KCNH3: variants seen among roughly 807,000 people sequenced by gnomAD.
KCNH3 encodes potassium voltage-gated channel subfamily H member 3.
Under a neutral mutation model 95.6 loss-of-function variants are expected in KCNH3, and 36 were observed. That is an observed-to-expected ratio of 0.38 (90% CI 0.29 to 0.50). KCNH3 has a LOEUF of 0.50. KCNH3 is among the 20% of genes least tolerant of loss of function. KCNH3 has a pLI of 0.95. For synonymous variants in KCNH3, 620 were observed against 646.3 expected (o/e 0.96, Z 0.62); for missense variants, 1,030 against 1,484.1 (o/e 0.69, Z 5.03).
chr12:49,541,911 C>T, intron 3 of KCNH3, 147 bp downstream of exon 3: 1 of 760,586 alleles, frequency 1.3e-6, no homozygotes, highest in Non-Finnish European at 2.1e-6. Flanking sequence ...GTGCTGCTCT[C>T]ATCTCCACAT....
chr12:49,550,418 C>T, intron 10 of KCNH3, 89 bp downstream of exon 10: 1 of 1,465,962 alleles, frequency 6.8e-7, no homozygotes. Context: ...GGGACCTCCA[C>T]AAGGCCACTG....
chr12:49,546,482 G>T (rs1318131168), intron 7 of KCNH3, among the ~76,000 whole-genome samples: 2 of 152,140 alleles, frequency 1.3e-5, no homozygotes, highest in African/African-American at 2.4e-5. Context: ...TCAGTCTGGT[G>T]GGCAGCTCCT....
At chr12:49,545,932 T>C (rs1394729307) in intron 7 of KCNH3, among the ~76,000 whole-genome samples, 3 of 152,070 alleles carry the variant, frequency 2.0e-5, no homozygotes, top group Non-Finnish European at 4.4e-5. Flanking sequence ...CCTTGGTGCC[T>C]GCTATTCCCA....
In KCNH3 at chr12:49,556,304, C is replaced by T. The variant is rs540205301; in HGVS notation, c.2469-66C>T. 7.6e-5 allele frequency: 91 copies of T among 1,197,686 alleles called. 1 individual carries two copies. Among genetic ancestry groups the T allele is most frequent in the Admixed American group, 1.2e-4 (7 of 58,738 alleles). The allele number at this position is 1,197,686 out of a possible 1,614,324, so 74.2% of individuals were successfully genotyped here. ...TGTGTGTGTGGACGCTGGGGCATCC[C>T]GTCCCGTATGACCCCACAGTGGCTG... On this transcript the variant is annotated intron_variant, in intron 12 of 14. Transcript: ENST00000257981.
rs182151452 is a variant in KCNH3, at chr12:49,542,675, A to G, written c.446-31A>G. ...AGCTAGGGTGTGTGGGCACACACCC[A>G]TCATCTTCATGGGCCCCTCTTCTTT... On this transcript the variant is annotated intron_variant, in intron 3 of 14. Transcript: ENST00000257981. The G allele has an allele frequency of 9.0e-6, 14 of 1,547,686 alleles. No homozygotes were observed. The Admixed American group carries it at 2.4e-4, about 26-fold the overall frequency.
chr12:49,549,827 G>C (rs913694831), intron 9 of KCNH3, among the ~76,000 whole-genome samples, 187 bp downstream of exon 9: 1 of 152,258 alleles, frequency 6.6e-6, no homozygotes, highest in African/African-American at 2.4e-5. Context: ...CTGAACCGCA[G>C]TTAGGTCTGG....
Position 49,557,971 on chromosome 12 carries a change from C to G in KCNH3, c.*18C>G. 1 of 1,452,378 alleles carries G rather than the reference C, an allele frequency of 6.9e-7. No individual in the cohort carries two copies. The highest frequency in any genetic ancestry group is 9.1e-7 in the Non-Finnish European group (1 of 1,099,070). 90.0% of individuals were successfully genotyped at this position (1,452,378 alleles called of 1,614,324 possible). A position where few individuals can be genotyped will look rare whatever the true frequency, so the allele number is the denominator to read the frequency against. On this transcript the variant is annotated 3_prime_UTR_variant, in exon 15 of 15. Coordinates refer to ENST00000257981, the MANE Select transcript of KCNH3 (RefSeq NM_012284.3). ...GGGTCTGAGTACCAGCCCTAGAACT[C>G]AGCGTTGCCAGGTGTGCTGCCATCT...
chr12:49,549,558 G>A lies in KCNH3; in HGVS notation c.1586G>A (p.Arg529His), dbSNP rs1242918063. 1.2e-6 allele frequency: 2 copies of A among 1,613,428 alleles called. No homozygotes were observed. Among genetic ancestry groups the A allele is most frequent in the African/African-American group, 1.3e-5 (1 of 75,076 alleles). The change falls in exon 9 of 15, where the codon CGT becomes CAT. Residue 529 changes from arginine (R) to histidine (H), a missense_variant. This residue lies in a region of KCNH3 where 160 missense variants were observed against 316.2 expected (regional missense o/e 0.51). Transcript: ENST00000257981. ...RDLRDYIRIH[R>H]IPKPLKQRML... ...CTGCGCGACTACATCCGCATCCACC[G>A]TATCCCCAAGCCCCTCAAGCAGCGC...
intron 11 of KCNH3, 63 bp from the exon 12 acceptor site, chr12:49,555,557 G>A (rs1173830578): frequency 3.9e-6 from 4 of 1,038,800 alleles, no homozygotes; most frequent in Non-Finnish European, 5.5e-6. Flanking sequence ...GCCTTGGTAG[G>A]GGAGGTGAGT....
chr12:49,541,065 A>G lies in KCNH3; in HGVS notation c.243A>G (p.Gln81=). The G allele has an allele frequency of 1.2e-6, 2 of 1,612,894 alleles. No homozygotes were observed. The highest frequency in any genetic ancestry group is 1.7e-6 in the Non-Finnish European group (2 of 1,180,028). The change falls in exon 2 of 15, where the codon CAA becomes CAG. Residue 81 remains glutamine, a synonymous_variant. Transcript: ENST00000257981. The stretch of plus-strand genomic sequence containing the variant: ...CAGACACCAGTGAGCTCGTCCGCCA[A>G]CAGATCCGCAAGGCCCTGGACGAGC... ...YGPDTSELVR[Q]QIRKALDEHK... is the part of the protein sequence containing the mutation.
intron 10 of KCNH3, among the ~76,000 whole-genome samples, chr12:49,551,574 CA>C (rs59344956): frequency 0.2 from 11,622 of 57,794 alleles, 294 homozygotes; most frequent in African/African-American, 0.31. Context: ...GACTCTGTCT[CA>C]AAAAAAAAAA....
intron 3 of KCNH3, 79 bp downstream of exon 3, chr12:49,541,843 G>A (rs1937881705): frequency 2.6e-6 from 4 of 1,521,888 alleles, no homozygotes; most frequent in South Asian, 2.4e-5. Flanking sequence ...GTCTGAGTAC[G>A]GGGGTCCCCC....
intron 4 of KCNH3, 50 bp downstream of exon 4, chr12:49,542,889 G>T: frequency 6.3e-7 from 1 of 1,584,374 alleles, no homozygotes; most frequent in South Asian, 1.2e-5. Flanking sequence ...AGACGCAGAA[G>T]ATGGGGAAGG....
At chr12:49,556,553 G>A in intron 13 of KCNH3, 77 bp downstream of exon 13, 1 of 1,041,936 alleles carries the variant, frequency 9.6e-7, no homozygotes, top group Non-Finnish European at 1.5e-6. Context: ...GTTGACCTCT[G>A]AGCCTTCAAT....
chr12:49,552,353 G>A (rs1159121833), intron 10 of KCNH3, among the ~76,000 whole-genome samples: 1 of 152,184 alleles, frequency 6.6e-6, no homozygotes, highest in East Asian at 1.9e-4. Context: ...CCTGTGCCCT[G>A]GGCCTTTGCC....
intron 7 of KCNH3, among the ~76,000 whole-genome samples, chr12:49,548,205 G>A (rs1938133372): frequency 6.6e-6 from 1 of 152,176 alleles, no homozygotes; most frequent in Admixed American, 6.5e-5. Context: ...CCCTCTGCCT[G>A]AGTGACAGTG....
chr12:49,539,334 G>A lies in KCNH3; in HGVS notation c.-83G>A. 3.6e-6 allele frequency: 3 copies of A among 830,098 alleles called. No individual in the cohort carries two copies. Among genetic ancestry groups the A allele is most frequent in the Non-Finnish European group, 4.9e-6 (3 of 612,766 alleles). The allele number at this position is 830,098 out of a possible 1,614,324, so 51.4% of individuals were successfully genotyped here. On this transcript the variant is annotated 5_prime_UTR_variant, in exon 1 of 15. Transcript: ENST00000257981. This position sits in a 1 kb window ranked among gnomAD's most constrained non-coding sequence, Gnocchi z 6.7. ...CGCTAGGGAGCGCGGGGCCCGGCGG[G>A]GGGCGGCCGAGCTGGGCGCCCTCCC...
chr12:49,543,764 G>T, intron 5 of KCNH3, 151 bp from the exon 6 acceptor site: 1 of 1,134,112 alleles, frequency 8.8e-7, no homozygotes, highest in Non-Finnish European at 1.2e-6. Context: ...TAGGCAAAAT[G>T]ATGTCTACCT....
intron 4 of KCNH3, 136 bp downstream of exon 4, chr12:49,542,975 A>G: frequency 8.4e-7 from 1 of 1,194,362 alleles, no homozygotes; most frequent in Non-Finnish European, 1.1e-6. Context: ...TTGGGACTGA[A>G]GGAGGGAAGA....
Sources: gnomAD v4.1 joint callset for allele counts (sites outside exome capture counted in the v4.1 genomes callset) on GRCh38, gnomAD v4.1.1 for gene constraint, gnomAD v4.1.1 regional missense constraint, Gnocchi (gnomAD v3.1) non-coding constraint, MANE v1.5 for transcripts, NCBI Gene and HGNC (gene_info 2026-07-23, HGNC 2026-07-21) for gene names.